Variants in AXDND1 observed in about 807,000 individuals in gnomAD.
The protein encoded by AXDND1 is axonemal dynein light chain domain-containing protein 1.
AXDND1 carries 110 observed loss-of-function variants against 137.5 expected under a neutral mutation model. That is an observed-to-expected ratio of 0.80 (90% CI 0.69 to 0.94). AXDND1 has a LOEUF of 0.94. Among genes scored for constraint, AXDND1 ranks in the 40% least tolerant of loss-of-function variants. AXDND1 has a pLI of 0.00. For missense variants in AXDND1, 1,191 were observed against 1,169.8 expected, an observed-to-expected ratio of 1.02 and a Z score of -0.26; for synonymous variants, 414 against 399.7, an observed-to-expected ratio of 1.04 and a Z score of -0.43.
At chr1:179,411,292 AC>A in intron 12 of AXDND1, 26 bp downstream of exon 12, 1 of 1,598,140 alleles carries the variant, frequency 6.3e-7, no homozygotes. Context: ...TTCACAACTC[AC>A]ACTTCTTTTT....
At chr1:179,443,823 G>C (rs1659340293) in intron 15 of AXDND1, among the ~76,000 whole-genome samples, 1 of 152,076 alleles carries the variant, frequency 6.6e-6, no homozygotes, top group Non-Finnish European at 1.5e-5. Context: ...AGGGGTCAGA[G>C]CTTGGAAAAT....
At chr1:179,403,031 A>G (rs1005904164) in intron 11 of AXDND1, among the ~76,000 whole-genome samples, 2 of 152,204 alleles carry the variant, frequency 1.3e-5, no homozygotes, top group Admixed American at 6.5e-5. Context: ...TGAAACCCAC[A>G]TAGTCAAAAA....
intron 25 of AXDND1, among the ~76,000 whole-genome samples, chr1:179,547,995 A>G (rs1203769542): frequency 6.6e-6 from 1 of 152,142 alleles, no homozygotes; most frequent in African/African-American, 2.4e-5. Flanking sequence ...TTTTTGCTCT[A>G]CTATGATCCC....
chr1:179,438,486 G>A (rs926625264), intron 15 of AXDND1, among the ~76,000 whole-genome samples: 1 of 152,188 alleles, frequency 6.6e-6, no homozygotes, highest in African/African-American at 2.4e-5. Context: ...ATAGAATCAT[G>A]CAAAGCTACA....
chr1:179,383,296 T>C, intron 7 of AXDND1, 146 bp from the exon 8 acceptor site: 1 of 591,872 alleles, frequency 1.7e-6, no homozygotes, highest in South Asian at 2.5e-5. Context: ...TCCCAATAGA[T>C]TAATAGACAC....
At chr1:179,452,441 C>A (rs1464561503) in intron 16 of AXDND1, 2 of 145,516 alleles carry the variant, frequency 1.4e-5, no homozygotes, top group Non-Finnish European at 2.9e-5. Flanking sequence ...GTAATCCCAG[C>A]ACTTTGGGAG....
At chr1:179,495,620 A>G (rs1473803259) in intron 20 of AXDND1, among the ~76,000 whole-genome samples, 8 of 151,864 alleles carry the variant, frequency 5.3e-5, no homozygotes. Context: ...TTTTTAATAC[A>G]CAGTCATGCA....
intron 21 of AXDND1, among the ~76,000 whole-genome samples, chr1:179,516,273 CT>C (rs1669530107): frequency 6.6e-6 from 1 of 152,238 alleles, no homozygotes; most frequent in African/African-American, 2.4e-5. Context: ...TTTTGCAGTT[CT>C]GTAAGTGTGC....
At chr1:179,471,902 C>CT (rs796927627) in intron 17 of AXDND1, among the ~76,000 whole-genome samples, 94 of 147,040 alleles carry the variant, frequency 6.4e-4, no homozygotes, top group South Asian at 2.6e-3. Flanking sequence ...CTTTTTTTTT[C>CT]TTTTTTTTTT....
chr1:179,481,144 C>T (rs1665326073), intron 17 of AXDND1, among the ~76,000 whole-genome samples: 1 of 152,060 alleles, frequency 6.6e-6, no homozygotes, highest in Non-Finnish European at 1.5e-5. Flanking sequence ...TTTCCCCACC[C>T]CACAACAGGC....
chr1:179,417,600 G>T (rs950486026), intron 12 of AXDND1, among the ~76,000 whole-genome samples: 2 of 152,038 alleles, frequency 1.3e-5, no homozygotes, highest in Admixed American at 6.6e-5. Flanking sequence ...TTACCATGCC[G>T]ATTTGTTTAC....
chr1:179,511,365 T>C (rs1669038804), intron 21 of AXDND1, among the ~76,000 whole-genome samples: 1 of 149,942 alleles, frequency 6.7e-6, no homozygotes, highest in Non-Finnish European at 1.5e-5. Flanking sequence ...ATATATGGTA[T>C]AATATATACA....
intron 25 of AXDND1, chr1:179,552,775 C>T (rs1218019214): frequency 1.1e-6 from 1 of 944,032 alleles, no homozygotes; most frequent in African/African-American, 1.6e-5. Flanking sequence ...ACTGCTGTCT[C>T]ATGATGAGTA....
intron 16 of AXDND1, chr1:179,448,387 C>G: frequency 1.5e-6 from 1 of 649,788 alleles, no homozygotes; most frequent in Admixed American, 2.3e-5. Context: ...TAAAAGTGGC[C>G]TCTCAGTTCC....
At chr1:179,433,791 ATGATT>A (rs1657734036) in intron 15 of AXDND1, among the ~76,000 whole-genome samples, 1 of 152,102 alleles carries the variant, frequency 6.6e-6, no homozygotes, top group Non-Finnish European at 1.5e-5. Flanking sequence ...AATTGTGTGG[ATGATT>A]TTAGAATAAG....
Position 179,504,955 on chromosome 1 carries a change from C to T in AXDND1, c.2389-4341C>T, listed in dbSNP as rs192859655. Reference sequence around the variant, plus strand: ...TGAGGCCTCTCAAGGGTATATCAAGCGAGTTTATGGTAAGGGGCTTAGCAG... The same window carrying T: ...TGAGGCCTCTCAAGGGTATATCAAGTGAGTTTATGGTAAGGGGCTTAGCAG... On this transcript the variant is annotated intron_variant, in intron 20 of 25. Transcript: ENST00000367618. 1.3e-4 allele frequency among the ~76,000 whole-genome samples: 20 copies of T among 152,248 alleles called. No individual in the cohort carries two copies. In the East Asian group the frequency reaches 3.3e-3, roughly 25 times the overall value.
Position 179,371,744 on chromosome 1 carries a change from G to A in AXDND1, c.374+1666G>A, listed in dbSNP as rs772782450. ...GATGAGAAAGGAAGAGGACAGCTTT[G>A]ACTTGTGAGAGTTCAGCCTGACATT... is the stretch of plus-strand genomic sequence containing the variant. On this transcript the variant is annotated intron_variant, in intron 4 of 25. Coordinates refer to ENST00000367618, the MANE Select transcript of AXDND1 (RefSeq NM_144696.6). 5.1e-4 allele frequency among the ~76,000 whole-genome samples: 77 copies of A among 152,196 alleles called. 1 individual carries two copies. Among genetic ancestry groups the A allele is most frequent in the Non-Finnish European group, 7.8e-4 (53 of 68,026 alleles).
At position 179,528,640 on chromosome 1, in the gene AXDND1, TC is replaced by T. The variant is rs1301560131; in HGVS notation, c.2715+210del. ...AGCTTCTCATTCTCATCTTTAAACC[TC>T]TTTTTTTTTTTTTTTTTTTTGACAG... On this transcript the variant is annotated intron_variant, in intron 23 of 25. Coordinates refer to ENST00000367618, the MANE Select transcript of AXDND1 (RefSeq NM_144696.6). 7.4e-3 allele frequency among the ~76,000 whole-genome samples: 789 copies of T among 107,174 alleles called. 9 individuals are homozygous for T. The highest frequency in any genetic ancestry group is 0.022 in the African/African-American group (757 of 34,846). The allele number at this position is 107,174 out of a possible 152,430, so 70.3% of individuals were successfully genotyped here.
chr1:179,485,915 C>T (rs565239773), intron 18 of AXDND1, among the ~76,000 whole-genome samples: 80 of 151,942 alleles, frequency 5.3e-4, no homozygotes, highest in Non-Finnish European at 6.9e-4. Context: ...GTCAGGAGTT[C>T]GAGACCAGCC....
Sources: allele counts gnomAD v4.1 joint callset (sites outside exome capture counted in the v4.1 genomes callset), GRCh38; gene constraint gnomAD v4.1.1; transcripts MANE v1.5; gene names NCBI Gene and HGNC (gene_info 2026-07-23, HGNC 2026-07-21).